STAT3: variants seen among roughly 807,000 people sequenced by gnomAD.
The protein encoded by STAT3 is DNA-binding protein APRF.
STAT3 carries 7 observed loss-of-function variants against 114.3 expected under a neutral mutation model. That is an observed-to-expected ratio of 0.06 (90% CI 0.03 to 0.11). The LOEUF is 0.11. STAT3 is among the 10% of genes least tolerant of loss of function. The pLI, the probability that STAT3 is intolerant of heterozygous loss-of-function variation, is 1.00. For missense variants in STAT3, 364 were observed against 960.9 expected, an observed-to-expected ratio of 0.38 and a Z score of 8.21; for synonymous variants, 331 against 354.5, an observed-to-expected ratio of 0.93 and a Z score of 0.74.
chr17:42,379,476 C>T (rs539087118), intron 1 of STAT3, among the ~76,000 whole-genome samples: 1 of 152,358 alleles, frequency 6.6e-6, no homozygotes, highest in South Asian at 2.1e-4. Context: ...CGCACACACA[C>T]AGATGTGAGG....
At chr17:42,344,771 C>T (rs538626637) in intron 4 of STAT3, among the ~76,000 whole-genome samples, 4 of 150,658 alleles carry the variant, frequency 2.7e-5, no homozygotes, top group Admixed American at 2.0e-4. Flanking sequence ...CAGCTGGTCT[C>T]GAACTCCTGA....
chr17:42,363,722 G>A (rs559188631), intron 1 of STAT3, among the ~76,000 whole-genome samples: 9 of 151,750 alleles, frequency 5.9e-5, no homozygotes, highest in African/African-American at 1.7e-4. Flanking sequence ...AAAGTGCTGC[G>A]ATTATAGGCA....
At chr17:42,352,231 C>A (rs1225683678) in intron 1 of STAT3, among the ~76,000 whole-genome samples, 3 of 151,806 alleles carry the variant, frequency 2.0e-5, no homozygotes, top group Non-Finnish European at 4.4e-5. Context: ...CCCAGCTACT[C>A]AGGAGGCTGA....
intron 23 of STAT3, chr17:42,316,107 G>A (rs1234048000): frequency 1.8e-5 from 24 of 1,325,662 alleles, no homozygotes; most frequent in South Asian, 3.5e-5. Flanking sequence ...CGAGACACAC[G>A]TGGCCACCAA....
intron 1 of STAT3, among the ~76,000 whole-genome samples, chr17:42,382,485 CCT>C (rs1255388837): frequency 1.3e-5 from 2 of 152,136 alleles, no homozygotes; most frequent in Non-Finnish European, 2.9e-5. Context: ...TGTCGTCTCC[CCT>C]GTCCTACTTC....
chr17:42,342,806 C>T lies in STAT3; in HGVS notation c.372+2753G>A, dbSNP rs545204214. The stretch of plus-strand genomic sequence containing the variant: ...CACTGTTAGGCATGACTAATTAAAA[C>T]ATCATGTGGCCTTGACTAGCTTGTC... On this transcript the variant is annotated intron_variant, in intron 4 of 23. Transcript: ENST00000264657. Among the ~76,000 whole-genome samples the T allele has an allele frequency of 5.3e-5, 8 of 152,164 alleles. No homozygotes were observed. In the South Asian group the frequency reaches 1.7e-3, roughly 32 times the overall value.
intron 4 of STAT3, among the ~76,000 whole-genome samples, chr17:42,339,749 C>T (rs1287156569): frequency 6.6e-6 from 1 of 151,974 alleles, no homozygotes; most frequent in Non-Finnish European, 1.5e-5. Context: ...CAGTATATTT[C>T]TGAGGGATAA....
chr17:42,369,833 A>C (rs975789544), intron 1 of STAT3, among the ~76,000 whole-genome samples: 1 of 151,830 alleles, frequency 6.6e-6, no homozygotes, highest in African/African-American at 2.4e-5. Flanking sequence ...TAATTAAAAA[A>C]TATTTTTTTT....
At chr17:42,365,647 T>TTTTTTG (rs1567747528) in intron 1 of STAT3, among the ~76,000 whole-genome samples, 1 of 148,166 alleles carries the variant, frequency 6.7e-6, no homozygotes, top group African/African-American at 2.5e-5. Context: ...AAGTTTTTTT[T>TTTTTTG]TTTTGTTTTT....
chr17:42,370,887 G>A (rs1396333333), intron 1 of STAT3, among the ~76,000 whole-genome samples: 3 of 152,040 alleles, frequency 2.0e-5, no homozygotes, highest in Non-Finnish European at 4.4e-5. Context: ...GGGATTACAG[G>A]CGTGAGCCAC....
intron 1 of STAT3, among the ~76,000 whole-genome samples, chr17:42,381,556 G>A (rs2084797958): frequency 6.6e-6 from 1 of 151,206 alleles, no homozygotes; most frequent in South Asian, 2.1e-4. Flanking sequence ...AAACCCTGTC[G>A]CTACTAAAAA....
At chr17:42,343,704 T>A (rs1221647603) in intron 4 of STAT3, among the ~76,000 whole-genome samples, 2 of 152,096 alleles carry the variant, frequency 1.3e-5, no homozygotes, top group African/African-American at 2.4e-5. Context: ...CTGCCCACCT[T>A]GGCCTCCCAA....
At chr17:42,357,751 A>G (rs1362446186) in intron 1 of STAT3, among the ~76,000 whole-genome samples, 5 of 152,162 alleles carry the variant, frequency 3.3e-5, no homozygotes, top group African/African-American at 9.7e-5. Context: ...AACCATTCAT[A>G]ATTACTCTAG....
intron 1 of STAT3, among the ~76,000 whole-genome samples, chr17:42,384,662 C>A (rs746193852): frequency 2.0e-5 from 3 of 152,006 alleles, no homozygotes; most frequent in Non-Finnish European, 4.4e-5. Flanking sequence ...TTGGGTGATC[C>A]TCCCACCTTA....
intron 1 of STAT3, among the ~76,000 whole-genome samples, chr17:42,351,358 C>A (rs1289225764): frequency 6.6e-6 from 1 of 151,780 alleles, no homozygotes; most frequent in Non-Finnish European, 1.5e-5. Flanking sequence ...GATCCTCCCA[C>A]CTCAGCCTCT....
chr17:42,354,292 C>T (rs1200843243), intron 1 of STAT3, among the ~76,000 whole-genome samples: 8 of 149,832 alleles, frequency 5.3e-5, no homozygotes, highest in Non-Finnish European at 1.0e-4. Flanking sequence ...GCCTCAGCCT[C>T]CCGAGTAGCT....
intron 2 of STAT3, among the ~76,000 whole-genome samples, chr17:42,347,682 A>T (rs755112366): frequency 6.6e-6 from 1 of 152,180 alleles, no homozygotes; most frequent in Non-Finnish European, 1.5e-5. Flanking sequence ...TGGGTTTCTC[A>T]TGAATGGTTT....
At chr17:42,345,268 A>G (rs77196295) in intron 4 of STAT3, 14 of 171,544 alleles carry the variant, frequency 8.2e-5, no homozygotes, top group Non-Finnish European at 3.6e-5. Context: ...TCTGTCTCAG[A>G]AAAAAAAAAA....
At chr17:42,331,974 C>CTGGA (rs2082030843) in intron 10 of STAT3, among the ~76,000 whole-genome samples, 1 of 151,482 alleles carries the variant, frequency 6.6e-6, no homozygotes, top group Non-Finnish European at 1.5e-5. Flanking sequence ...GTTACCCAGG[C>CTGGA]TGGAGTGCAA....
Sources: gnomAD v4.1 joint callset for allele counts (sites outside exome capture counted in the v4.1 genomes callset) on GRCh38, gnomAD v4.1.1 for gene constraint, MANE v1.5 for transcripts, NCBI Gene and HGNC (gene_info 2026-07-23, HGNC 2026-07-21) for gene names.